ARID4B: variants seen among roughly 807,000 people sequenced by gnomAD.
ARID4B encodes AT-rich interactive domain-containing protein 4B.
In ARID4B, 26 loss-of-function variants were observed where a neutral mutation model predicts 147.5. The ratio of observed to expected loss-of-function variants is 0.18; its 90% CI spans 0.13 to 0.24. The LOEUF (loss-of-function observed/expected upper bound fraction) is 0.24, where lower values mean the gene tolerates loss of function less well. Among genes scored for constraint, ARID4B ranks in the 10% least tolerant of loss-of-function variants. ARID4B has a pLI of 1.00. For missense variants in ARID4B, 1,179 were observed against 1,511.5 expected, an observed-to-expected ratio of 0.78 and a Z score of 3.65; for synonymous variants, 512 against 507.9, an observed-to-expected ratio of 1.01 and a Z score of -0.11.
intron 6 of ARID4B, among the ~76,000 whole-genome samples, chr1:235,250,249 A>G (rs1669562716): frequency 6.6e-6 from 1 of 152,204 alleles, no homozygotes; most frequent in African/African-American, 2.4e-5. Context: ...GGGATTAGTG[A>G]CCCAAAATAC....
intron 5 of ARID4B, 72 bp from the exon 6 acceptor site, chr1:235,252,881 A>G (rs985110544): frequency 1.6e-5 from 20 of 1,265,350 alleles, no homozygotes; most frequent in Non-Finnish European, 2.1e-5. Context: ...ATGTATTACA[A>G]TTTTCTGAGT....
intron 2 of ARID4B, among the ~76,000 whole-genome samples, chr1:235,275,675 C>T (rs1671273313): frequency 6.6e-6 from 1 of 152,148 alleles, no homozygotes; most frequent in East Asian, 1.9e-4. Context: ...TTTAATTAAA[C>T]CCATCAGATG....
In ARID4B at chr1:235,294,464, CCAGGGG is replaced by C. The variant is rs1672555733; in HGVS notation, c.6+32444_6+32449del. 4.4e-5 allele frequency among the ~76,000 whole-genome samples: 3 copies of C among 68,194 alleles called. 1 individual carries two copies. The South Asian group carries it at 2.5e-3, about 58-fold the overall frequency. 44.7% of individuals were successfully genotyped at this position (68,194 alleles called of 152,430 possible). ...GTTCAAGCAATTCTCCCGCTTGAAC[CCAGGGG>C]TTCAAGCAATTCTCCCGCTTGAACC... On this transcript the variant is annotated intron_variant, in intron 2 of 23. Coordinates refer to ENST00000264183, the MANE Select transcript of ARID4B (RefSeq NM_016374.6).
intron 17 of ARID4B, among the ~76,000 whole-genome samples, chr1:235,200,416 A>G (rs1175347745): frequency 6.6e-6 from 1 of 152,136 alleles, no homozygotes; most frequent in Non-Finnish European, 1.5e-5. Flanking sequence ...CCGAGATCGC[A>G]TGCCACGGTA....
chr1:235,275,686 C>T (rs1445335851), intron 2 of ARID4B, among the ~76,000 whole-genome samples: 5 of 152,162 alleles, frequency 3.3e-5, no homozygotes, highest in East Asian at 3.8e-4. Flanking sequence ...CCATCAGATG[C>T]CTATTATCAA....
intron 2 of ARID4B, among the ~76,000 whole-genome samples, chr1:235,296,868 A>AAAGAGGGAGGGAGG (rs1553314013): frequency 6.9e-6 from 1 of 144,498 alleles, no homozygotes; most frequent in Non-Finnish European, 1.5e-5. Context: ...GAAGGGAGAG[A>AAAGAGGGAGGGAGG]GTACTTCCTG....
At chr1:235,307,626 T>G (rs560170820) in intron 2 of ARID4B, among the ~76,000 whole-genome samples, 1 of 152,162 alleles carries the variant, frequency 6.6e-6, no homozygotes, top group Non-Finnish European at 1.5e-5. Context: ...TAGATCATAT[T>G]CTGTGTCATC....
Position 235,182,315 on chromosome 1 carries a change from T to G in ARID4B, c.2604A>C (p.Glu868Asp). 1 of 1,613,902 alleles carries G rather than the reference T, an allele frequency of 6.2e-7. No homozygotes were observed. Among genetic ancestry groups the G allele is most frequent in the East Asian group, 2.2e-5 (1 of 44,900 alleles). The change falls in exon 20 of 24, where the codon GAA becomes GAC. Residue 868 changes from glutamate to aspartate, a missense_variant. Glu to Asp is a conservative substitution (Grantham distance 45). Transcript: ENST00000264183. ...TAGTTGGTGTCATCTTTGCTTTTGT[T>G]TCTTCTTCATCTTCATCTGAAGAGC... ...SNSSSDEDEE[E>D]TKAKMTPTKK...
At chr1:235,187,312 G>C (rs1488883470) in intron 19 of ARID4B, among the ~76,000 whole-genome samples, 1 of 151,966 alleles carries the variant, frequency 6.6e-6, no homozygotes, top group Non-Finnish European at 1.5e-5. Context: ...TTGAACTCCC[G>C]ACCTCAGGTG....
chr1:235,280,391 G>A (rs1282343992), intron 2 of ARID4B, among the ~76,000 whole-genome samples: 2 of 152,206 alleles, frequency 1.3e-5, no homozygotes, highest in Admixed American at 1.3e-4. Context: ...TACATACTGG[G>A]CAGGCTCTAA....
intron 17 of ARID4B, among the ~76,000 whole-genome samples, chr1:235,203,762 C>T (rs1304054896): frequency 6.6e-6 from 1 of 151,868 alleles, no homozygotes; most frequent in African/African-American, 2.4e-5. Context: ...GATTTCCCCA[C>T]CTGAATTAAA....
chr1:235,270,516 G>C (rs1339911922), intron 2 of ARID4B, among the ~76,000 whole-genome samples: 1 of 152,076 alleles, frequency 6.6e-6, no homozygotes, highest in Non-Finnish European at 1.5e-5. Context: ...ATAAACCAGA[G>C]GGATATCTGC....
Position 235,296,775 on chromosome 1 carries a change from T to C in ARID4B, c.6+30139A>G, listed in dbSNP as rs1489580327. On this transcript the variant is annotated intron_variant, in intron 2 of 23. Coordinates refer to ENST00000264183, the MANE Select transcript of ARID4B (RefSeq NM_016374.6). ...TCACCCAGCCATAATTTACTCTAAT[T>C]AAAAAAAAAAAAAAGGAGGAAGGAA... Among the ~76,000 whole-genome samples the C allele has an allele frequency of 7.2e-5, 5 of 69,286 alleles. No individual in the cohort carries two copies. In the East Asian group the frequency reaches 1.6e-3, roughly 22 times the overall value. The allele number at this position is 69,286 out of a possible 152,430, so 45.5% of individuals were successfully genotyped here.
chr1:235,252,597 T>C (rs1373231914), intron 6 of ARID4B, 133 bp downstream of exon 6: 1 of 606,570 alleles, frequency 1.6e-6, no homozygotes, highest in African/African-American at 1.9e-5. Flanking sequence ...GCTTCACAGA[T>C]TACATCATAA....
At chr1:235,315,871 TAATA>T (rs1218119924) in intron 2 of ARID4B, among the ~76,000 whole-genome samples, 2 of 152,164 alleles carry the variant, frequency 1.3e-5, no homozygotes, top group African/African-American at 4.8e-5. Flanking sequence ...CTAACATTTG[TAATA>T]AATAGTTTCA....
At position 235,223,369 on chromosome 1, in the gene ARID4B, G is replaced by GTA. The variant is rs201240296; in HGVS notation, c.971-111_971-110dup. 5.2e-3 allele frequency: 855 copies of GTA among 164,834 alleles called. 5 individuals carry two copies. The highest frequency in any genetic ancestry group is 0.017 in the African/African-American group (436 of 26,214). The allele number at this position is 164,834 out of a possible 1,614,324, so 10.2% of individuals were successfully genotyped here. A position where few individuals can be genotyped will look rare whatever the true frequency, so the allele number is the denominator to read the frequency against. ...TATAGTATTTTATATATATATACACGTATATATATATATACACGTATATAT... is the reference window on the plus strand; with the variant it reads ...TATAGTATTTTATATATATATACACGTATATATATATATATACACGTATATAT... On this transcript the variant is annotated intron_variant, in intron 12 of 23. Coordinates refer to ENST00000264183, the MANE Select transcript of ARID4B (RefSeq NM_016374.6).
chr1:235,182,334 G>A lies in ARID4B; in HGVS notation c.2585C>T (p.Ser862Leu). 1 of 1,613,848 alleles carries A rather than the reference G, an allele frequency of 6.2e-7. No homozygotes were observed. The highest frequency in any genetic ancestry group is 8.5e-7 in the Non-Finnish European group (1 of 1,179,994). ...LCMENSSNSS[S>L]DEDEEETKAK... is the part of the protein sequence containing the mutation. ...TTTTGTTTCTTCTTCATCTTCATCT[G>A]AAGAGCTGTTGCTACTGTTTTCCAT... Residue 862 changes from serine to leucine, a missense_variant, in exon 20 of 24, where the codon TCA becomes TTA. Ser to Leu is a moderately radical substitution (Grantham distance 145, BLOSUM62 -2). Coordinates refer to ENST00000264183, the MANE Select transcript of ARID4B (RefSeq NM_016374.6).
At chr1:235,183,261 GT>G (rs1363744155) in intron 19 of ARID4B, among the ~76,000 whole-genome samples, 2 of 150,416 alleles carry the variant, frequency 1.3e-5, no homozygotes, top group Non-Finnish European at 2.9e-5. Context: ...AGCTAAAAGT[GT>G]AAGTGGCGTG....
intron 2 of ARID4B, among the ~76,000 whole-genome samples, chr1:235,319,957 T>A (rs1359946873): frequency 6.6e-6 from 1 of 151,762 alleles, no homozygotes; most frequent in Non-Finnish European, 1.5e-5. Flanking sequence ...TGAAACCCCG[T>A]CTCTACTAAA....
Sources: allele counts gnomAD v4.1 joint callset (sites outside exome capture counted in the v4.1 genomes callset), GRCh38; gene constraint gnomAD v4.1.1; transcripts MANE v1.5; gene names NCBI Gene and HGNC (gene_info 2026-07-23, HGNC 2026-07-21).